The following BTBD9 variants were observed in gnomAD, a reference collection of about 807,000 sequenced individuals.
BTBD9 encodes BTB/POZ domain-containing protein 9.
BTBD9 carries 49 observed loss-of-function variants against 64.3 expected under a neutral mutation model. That is an observed-to-expected ratio of 0.76 (90% CI 0.61 to 0.97). The LOEUF (loss-of-function observed/expected upper bound fraction) is 0.97, where lower values mean the gene tolerates loss of function less well. BTBD9 is among the 50% of genes least tolerant of loss of function. The pLI is 0.00. For missense variants in BTBD9, 598 were observed against 762.1 expected, an observed-to-expected ratio of 0.78 and a Z score of 2.53; for synonymous variants, 260 against 274.7, an observed-to-expected ratio of 0.95 and a Z score of 0.53.
intron 6 of BTBD9, among the ~76,000 whole-genome samples, chr6:38,504,782 G>C (rs773012694): frequency 1.1e-4 from 16 of 152,138 alleles, no homozygotes; most frequent in Admixed American, 2.0e-4. Context: ...AAAACAAAGG[G>C]AATGTTCATC....
intron 6 of BTBD9, among the ~76,000 whole-genome samples, chr6:38,472,938 C>T (rs895116708): frequency 6.6e-6 from 1 of 152,144 alleles, no homozygotes; most frequent in African/African-American, 2.4e-5. Flanking sequence ...TATTCAAAAT[C>T]TAATATTGTA....
intron 1 of BTBD9, among the ~76,000 whole-genome samples, chr6:38,617,171 T>C (rs931692570): frequency 2.0e-4 from 30 of 152,076 alleles, no homozygotes; most frequent in African/African-American, 6.3e-4. Flanking sequence ...GTCGGGAGCG[T>C]TGCTTTGCCT....
chr6:38,210,561 T>C, intron 9 of BTBD9, among the ~76,000 whole-genome samples: 1 of 151,892 alleles, frequency 6.6e-6, no homozygotes, highest in Non-Finnish European at 1.5e-5. Flanking sequence ...TGTGTGTGTG[T>C]GTGTGTGTGT....
At chr6:38,297,721 A>G (rs943920426) in intron 7 of BTBD9, among the ~76,000 whole-genome samples, 11 of 152,174 alleles carry the variant, frequency 7.2e-5, no homozygotes, top group Non-Finnish European at 1.5e-5. Context: ...TTTAACTGGC[A>G]GATTTACATG....
At chr6:38,374,316 T>TATATATATATATATATATAC (rs1562095814) in intron 6 of BTBD9, among the ~76,000 whole-genome samples, 13 of 116,326 alleles carry the variant, frequency 1.1e-4, no homozygotes, top group African/African-American at 4.3e-4. Flanking sequence ...TGTATATATA[T>TATATATATATATATATATAC]ATATATATAT....
chr6:38,253,138 C>A (rs540067158), intron 9 of BTBD9, among the ~76,000 whole-genome samples: 1 of 151,584 alleles, frequency 6.6e-6, no homozygotes, highest in African/African-American at 2.4e-5. Flanking sequence ...ACAACAACAA[C>A]AACAAAACAC....
intron 9 of BTBD9, among the ~76,000 whole-genome samples, chr6:38,241,284 C>G (rs928172337): frequency 3.9e-5 from 6 of 152,176 alleles, no homozygotes; most frequent in Admixed American, 3.3e-4. Flanking sequence ...CACCTCACAG[C>G]AGAAATTTAC....
In BTBD9 at chr6:38,592,983, T is replaced by G. The variant is rs1462573220; in HGVS notation, c.550-143A>C. 8 of 816,456 alleles carry G rather than the reference T, an allele frequency of 9.8e-6. No homozygotes were observed. In the Admixed American group the frequency reaches 1.4e-4, roughly 14 times the overall value. 50.6% of individuals were successfully genotyped at this position (816,456 alleles called of 1,614,324 possible). A position where few individuals can be genotyped will look rare whatever the true frequency, so the allele number is the denominator to read the frequency against. On this transcript the variant is annotated intron_variant, in intron 3 of 10. Coordinates refer to ENST00000481247, the MANE Select transcript of BTBD9 (RefSeq NM_001099272.2). ...CTTCCCTTATGCTTTGTGCCACATATTCTCCTACTCATTATGGCTGTGTAA... is the reference window on the plus strand; with the variant it reads ...CTTCCCTTATGCTTTGTGCCACATAGTCTCCTACTCATTATGGCTGTGTAA...
intron 1 of BTBD9, among the ~76,000 whole-genome samples, chr6:38,612,501 T>A (rs1388416459): frequency 6.6e-6 from 1 of 152,200 alleles, no homozygotes; most frequent in African/African-American, 2.4e-5. Flanking sequence ...AAAGATGACA[T>A]TCCAAAAACA....
chr6:38,281,441 T>G lies in BTBD9; in HGVS notation c.1454+6831A>C, dbSNP rs568917763. 1.1e-4 allele frequency among the ~76,000 whole-genome samples: 17 copies of G among 152,306 alleles called. No homozygotes were observed. In the South Asian group the frequency reaches 3.5e-3, roughly 32 times the overall value. ...GTGGCATATGTAATTCTTTTATTATTATTATTTTTTTAGGATCAACTTGCT... is the reference window on the plus strand; with the variant it reads ...GTGGCATATGTAATTCTTTTATTATGATTATTTTTTTAGGATCAACTTGCT... On this transcript the variant is annotated intron_variant, in intron 8 of 10. Coordinates refer to ENST00000481247, the MANE Select transcript of BTBD9 (RefSeq NM_001099272.2).
chr6:38,291,915 T>C (rs1222328256), intron 7 of BTBD9, among the ~76,000 whole-genome samples: 1 of 152,128 alleles, frequency 6.6e-6, no homozygotes, highest in East Asian at 1.9e-4. Context: ...TTGAGGATTT[T>C]TGCATAGATG....
In BTBD9 at chr6:38,577,596, T is replaced by C. The variant is rs1282700054; in HGVS notation, c.1154+4A>G. 2 of 1,599,986 alleles carry C rather than the reference T, an allele frequency of 1.3e-6. No individual in the cohort carries two copies. Among genetic ancestry groups the C allele is most frequent in the Non-Finnish European group, 1.7e-6 (2 of 1,177,708 alleles). On this transcript the variant is annotated splice_donor_region_variant and intron_variant, in intron 6 of 10. Coordinates refer to ENST00000481247, the MANE Select transcript of BTBD9 (RefSeq NM_001099272.2). The stretch of plus-strand genomic sequence containing the variant: ...AAATCATTTATTAACCACTGAAAAC[T>C]AACCTGCAGACACGGGCTGGAAAAT...
chr6:38,394,719 T>C (rs995769692), intron 6 of BTBD9, among the ~76,000 whole-genome samples: 1 of 151,838 alleles, frequency 6.6e-6, no homozygotes, highest in African/African-American at 2.4e-5. Context: ...TCACTTTCTC[T>C]GGAGGATGGC....
chr6:38,536,162 A>G (rs1774013997), intron 6 of BTBD9, among the ~76,000 whole-genome samples: 2 of 152,100 alleles, frequency 1.3e-5, no homozygotes, highest in South Asian at 4.1e-4. Context: ...AAAATCTAAT[A>G]ATCCACTGAA....
At chr6:38,232,203 C>G (rs1763631981) in intron 9 of BTBD9, among the ~76,000 whole-genome samples, 1 of 152,076 alleles carries the variant, frequency 6.6e-6, no homozygotes, top group South Asian at 2.1e-4. Context: ...GCCCTGCTCC[C>G]TGGCATGGAC....
At chr6:38,596,385 A>T (rs1004514927) in intron 2 of BTBD9, among the ~76,000 whole-genome samples, 1 of 152,222 alleles carries the variant, frequency 6.6e-6, no homozygotes. Flanking sequence ...GTTTTTTTTA[A>T]GGATATACTA....
At chr6:38,397,449 T>C (rs1251048619) in intron 6 of BTBD9, among the ~76,000 whole-genome samples, 1 of 152,066 alleles carries the variant, frequency 6.6e-6, no homozygotes, top group Non-Finnish European at 1.5e-5. Context: ...ACGCCCAGCT[T>C]TGTGGATGGG....
chr6:38,194,868 AGGCAGGGCT>A lies in BTBD9; in HGVS notation c.1563-2280_1563-2272del, dbSNP rs1397506882. Among the ~76,000 whole-genome samples the A allele has an allele frequency of 2.0e-5, 3 of 152,234 alleles. No homozygotes were observed. In the East Asian group the frequency reaches 5.8e-4, roughly 29 times the overall value. On this transcript the variant is annotated intron_variant, in intron 9 of 10. Coordinates refer to ENST00000481247, the MANE Select transcript of BTBD9 (RefSeq NM_001099272.2). ...CATGGGGAGGCAGGAGAGGCAGGGG[AGGCAGGGCT>A]GGCAGGGCAGCAGTCTGAGCGGGAG...
At chr6:38,195,448 G>A (rs188740433) in intron 9 of BTBD9, among the ~76,000 whole-genome samples, 262 of 152,252 alleles carry the variant, frequency 1.7e-3, no homozygotes, top group Non-Finnish European at 2.7e-3. Flanking sequence ...AGGGCTGGGC[G>A]CTGAGAGGAG....
Sources: allele counts gnomAD v4.1 joint callset (sites outside exome capture counted in the v4.1 genomes callset), GRCh38; gene constraint gnomAD v4.1.1; transcripts MANE v1.5; gene names NCBI Gene and HGNC (gene_info 2026-07-23, HGNC 2026-07-21).